Variants in COL8A1 observed in about 807,000 individuals in gnomAD.
The protein encoded by COL8A1 is collagen type VIII alpha 1 chain.
In COL8A1, 21 loss-of-function variants were observed where a neutral mutation model predicts 42.7. The ratio of observed to expected loss-of-function variants is 0.49; its 90% CI spans 0.35 to 0.71. COL8A1 has a LOEUF of 0.71. COL8A1 is among the 30% of genes least tolerant of loss of function. The pLI is 0.01. For missense variants in COL8A1, 788 were observed against 962.4 expected (o/e 0.82, Z 2.40); for synonymous variants, 367 against 369.1 (o/e 0.99, Z 0.06).
intron 1 of COL8A1, among the ~76,000 whole-genome samples, chr3:99,640,590 C>T (rs914073079): frequency 7.9e-5 from 12 of 152,104 alleles, no homozygotes; most frequent in African/African-American, 2.7e-4. Context: ...ATTAATCCAC[C>T]GGACCAGCTA....
intron 1 of COL8A1, among the ~76,000 whole-genome samples, chr3:99,673,509 G>T (rs1217596141): frequency 6.6e-6 from 1 of 151,932 alleles, no homozygotes; most frequent in Non-Finnish European, 1.5e-5. Flanking sequence ...CTTGCCTTTG[G>T]TATGAATAGT....
chr3:99,795,756 A>T lies in COL8A1; in HGVS notation c.1855A>T (p.Thr619Ser), dbSNP rs1942094374. The T allele has an allele frequency of 6.2e-7, 1 of 1,613,952 alleles. No individual in the cohort carries two copies. Among genetic ancestry groups the T allele is most frequent in the South Asian group, 1.1e-5 (1 of 91,078 alleles). ...GCCAGCCTATGAGATGCCTGCATTT[A>T]CCGCCGAGCTAACCGCACCTTTCCC... is the stretch of plus-strand genomic sequence containing the variant. Reference protein sequence around the residue: ...GGPAYEMPAFTAELTAPFPPV... With the variant: ...GGPAYEMPAFSAELTAPFPPV... Residue 619 changes from threonine to serine, a missense_variant, in exon 4 of 4, where the codon ACC becomes TCC. Transcript: ENST00000652472.
At chr3:99,757,838 G>A (rs932366438) in intron 2 of COL8A1, among the ~76,000 whole-genome samples, 1 of 152,144 alleles carries the variant, frequency 6.6e-6, no homozygotes, top group African/African-American at 2.4e-5. Flanking sequence ...ATAGAATCTA[G>A]ACTGGATTTT....
chr3:99,734,971 G>C (rs1940657499), intron 1 of COL8A1, among the ~76,000 whole-genome samples: 1 of 152,056 alleles, frequency 6.6e-6, no homozygotes, highest in African/African-American at 2.4e-5. Flanking sequence ...TGCTGTATAA[G>C]AATGCTTGTG....
intron 1 of COL8A1, among the ~76,000 whole-genome samples, chr3:99,701,862 G>A (rs1456960908): frequency 6.6e-6 from 1 of 152,040 alleles, no homozygotes; most frequent in Non-Finnish European, 1.5e-5. Flanking sequence ...GTTATAATAT[G>A]GAAAACTATG....
chr3:99,664,484 A>G (rs936207098), intron 1 of COL8A1, among the ~76,000 whole-genome samples: 13 of 71,078 alleles, frequency 1.8e-4, no homozygotes, highest in African/African-American at 4.7e-4. Flanking sequence ...AAGTATAATA[A>G]AAAAAAAATA....
intron 1 of COL8A1, among the ~76,000 whole-genome samples, chr3:99,742,115 T>G (rs1333418354): frequency 6.6e-6 from 1 of 152,210 alleles, no homozygotes; most frequent in Non-Finnish European, 1.5e-5. Context: ...AATTAATATA[T>G]TTAGAACAAT....
At chr3:99,733,991 G>A (rs1441352307) in intron 1 of COL8A1, among the ~76,000 whole-genome samples, 4 of 151,878 alleles carry the variant, frequency 2.6e-5, no homozygotes, top group Non-Finnish European at 2.9e-5. Flanking sequence ...CTTTTTGATG[G>A]GGTTGTTTGT....
At position 99,794,905 on chromosome 3, in the gene COL8A1, AGCAAGGACT is replaced by A; in HGVS notation, c.1007_1015del (p.Gln336_Leu338del). ...CCAGGATTTCCAGGTGGCAAAGGGG[AGCAAGGACT>A]GCCAGGGCTACCAGGACCCCCAGGC... On this transcript the variant is annotated inframe_deletion, in exon 4 of 4. Transcript: ENST00000652472. The surrounding 1 kb of genome is among the most constrained non-coding windows in gnomAD (Gnocchi z 4.3). 1 of 1,601,656 alleles carries A rather than the reference AGCAAGGACT, an allele frequency of 6.2e-7. No individual in the cohort carries two copies. The highest frequency in any genetic ancestry group is 8.5e-7 in the Non-Finnish European group (1 of 1,174,592).
intron 1 of COL8A1, among the ~76,000 whole-genome samples, chr3:99,683,384 G>GA (rs1329898783): frequency 6.6e-6 from 1 of 152,052 alleles, no homozygotes; most frequent in Non-Finnish European, 1.5e-5. Context: ...AGAAGGAAAA[G>GA]AAAATCACAG....
intron 2 of COL8A1, among the ~76,000 whole-genome samples, chr3:99,768,663 G>A (rs1941517070): frequency 6.6e-6 from 1 of 152,192 alleles, no homozygotes; most frequent in Non-Finnish European, 1.5e-5. Flanking sequence ...GTACCTGATA[G>A]AAAATGTTAG....
intron 1 of COL8A1, among the ~76,000 whole-genome samples, chr3:99,662,535 A>G (rs1397074807): frequency 6.6e-6 from 1 of 152,214 alleles, no homozygotes; most frequent in Admixed American, 6.5e-5. Context: ...TGAACTTGGA[A>G]GGATATATTT....
intron 1 of COL8A1, among the ~76,000 whole-genome samples, chr3:99,676,208 C>T (rs895844588): frequency 2.6e-5 from 4 of 152,048 alleles, no homozygotes; most frequent in Non-Finnish European, 5.9e-5. Context: ...ACAAAGAAAA[C>T]TCCACATCCA....
chr3:99,721,470 A>C, intron 1 of COL8A1, among the ~76,000 whole-genome samples: 1 of 146,278 alleles, frequency 6.8e-6, no homozygotes, highest in African/African-American at 2.5e-5. Context: ...AGGGAAGGGA[A>C]GGGAGGGGAA....
Position 99,798,464 on chromosome 3 carries a change from T to C in COL8A1, c.*2328T>C, listed in dbSNP as rs1204568537. On this transcript the variant is annotated 3_prime_UTR_variant, in exon 4 of 4. Coordinates refer to ENST00000652472, the MANE Select transcript of COL8A1 (RefSeq NM_020351.4). ...TTTAAAAGCAAGTCAGATCAGGTGA[T>C]TTGTAAAATTGTATTTATCTGTACA... 1 of 152,234 alleles carries C rather than the reference T, an allele frequency of 6.6e-6. No individual in the cohort carries two copies. Among genetic ancestry groups the C allele is most frequent in the African/African-American group, 2.4e-5 (1 of 41,458 alleles). The allele number at this position is 152,234 out of a possible 1,614,324, so 9.4% of individuals were successfully genotyped here.
At chr3:99,768,236 A>G (rs1268834700) in intron 2 of COL8A1, among the ~76,000 whole-genome samples, 2 of 152,230 alleles carry the variant, frequency 1.3e-5, no homozygotes, top group Non-Finnish European at 2.9e-5. Flanking sequence ...TGTTCCTACA[A>G]TCAAGCTCCA....
chr3:99,739,708 C>G (rs1267291146), intron 1 of COL8A1, among the ~76,000 whole-genome samples: 2 of 152,112 alleles, frequency 1.3e-5, no homozygotes, highest in Non-Finnish European at 2.9e-5. Context: ...GTGCAAACAG[C>G]CAGCCCACAA....
chr3:99,747,390 C>T (rs1342468762), intron 2 of COL8A1, among the ~76,000 whole-genome samples: 1 of 152,172 alleles, frequency 6.6e-6, no homozygotes, highest in Non-Finnish European at 1.5e-5. Flanking sequence ...TTTTGTTCAG[C>T]TATTAATGTG....
chr3:99,643,307 C>A (rs1937547440), intron 1 of COL8A1, among the ~76,000 whole-genome samples: 1 of 152,126 alleles, frequency 6.6e-6, no homozygotes. Flanking sequence ...CCTCTACTAC[C>A]AAATGTCTAG....
Sources: allele counts gnomAD v4.1 joint callset (sites outside exome capture counted in the v4.1 genomes callset), GRCh38; gene constraint gnomAD v4.1.1; non-coding constraint Gnocchi (gnomAD v3.1); transcripts MANE v1.5; gene names NCBI Gene and HGNC (gene_info 2026-07-23, HGNC 2026-07-21).